Variants in PPP6R1 observed in about 807,000 individuals in gnomAD.
PPP6R1 encodes protein phosphatase 6 regulatory subunit 1, also known as serine/threonine-protein phosphatase 6 regulatory subunit 1.
PPP6R1 carries 39 observed loss-of-function variants against 104.6 expected under a neutral mutation model. The ratio of observed to expected loss-of-function variants is 0.37; its 90% CI spans 0.29 to 0.49. PPP6R1 has a LOEUF of 0.49. Ranked by LOEUF, PPP6R1 falls within the 20% of genes least tolerant of loss-of-function variation. PPP6R1 has a pLI of 0.98. For missense variants in PPP6R1, 1,181 were observed against 1,155.8 expected (o/e 1.02, Z -0.32); for synonymous variants, 549 against 479.0 (o/e 1.15, Z -1.91).
chr19:55,241,580 A>G lies in PPP6R1; in HGVS notation c.905T>C (p.Leu302Pro). 2 of 1,584,836 alleles carry G rather than the reference A, an allele frequency of 1.3e-6. No homozygotes were observed. Among genetic ancestry groups the G allele is most frequent in the East Asian group, 2.3e-5 (1 of 42,938 alleles). Reference sequence around the variant, plus strand: ...AGTGCTTTCCAGGGCCCCCTGGGCCAGGAGCTCCAGCTGCCCATCCACACT... The same window carrying G: ...AGTGCTTTCCAGGGCCCCCTGGGCCGGGAGCTCCAGCTGCCCATCCACACT... ...FSSVDGQLEL[L>P]AQGALESTVS... Residue 302 changes from leucine to proline, a missense_variant, in exon 8 of 24, where the codon CTG becomes CCG. Transcript: ENST00000412770. This position sits in a 1 kb window ranked among gnomAD's most constrained non-coding sequence, Gnocchi z 5.4.
At chr19:55,231,057 T>C in intron 21 of PPP6R1, 173 bp from the exon 22 acceptor site, 1 of 637,534 alleles carries the variant, frequency 1.6e-6, no homozygotes, top group Non-Finnish European at 2.7e-6. Context: ...AGCACAGCCC[T>C]GGACAGGAAG....
chr19:55,250,747 C>T (rs1401920258), intron 1 of PPP6R1, among the ~76,000 whole-genome samples: 2 of 152,136 alleles, frequency 1.3e-5, no homozygotes, highest in African/African-American at 4.8e-5. Context: ...TCAGGCCTCC[C>T]ACCCCGACCC....
chr19:55,242,707 A>G, intron 5 of PPP6R1: 1 of 546,900 alleles, frequency 1.8e-6, no homozygotes, highest in Non-Finnish European at 3.3e-6. Flanking sequence ...GACAGGAGGC[A>G]TCCACACAAG....
Position 55,230,145 on chromosome 19 carries a change from C to G in PPP6R1, c.*383G>C, listed in dbSNP as rs944950664. 39 of 212,200 alleles carry G rather than the reference C, an allele frequency of 1.8e-4. No individual in the cohort carries two copies. Among genetic ancestry groups the G allele is most frequent in the African/African-American group, 7.9e-4 (34 of 43,210 alleles). The allele number at this position is 212,200 out of a possible 1,614,324, so 13.1% of individuals were successfully genotyped here. On this transcript the variant is annotated 3_prime_UTR_variant, in exon 24 of 24. Coordinates refer to ENST00000412770, the MANE Select transcript of PPP6R1 (RefSeq NM_014931.4). The stretch of plus-strand genomic sequence containing the variant: ...GGGCACGTGGGTGGCAACCTTGGGA[C>G]CCCTAACACCAGCTCCCGCTGGGAC...
At chr19:55,253,786 AC>A (rs1185473764) in intron 1 of PPP6R1, among the ~76,000 whole-genome samples, 1 of 152,100 alleles carries the variant, frequency 6.6e-6, no homozygotes, top group African/African-American at 2.4e-5. Flanking sequence ...CCCTCTCCCA[AC>A]CTAATGAAGC....
At chr19:55,239,564 C>T in intron 14 of PPP6R1, 30 bp downstream of exon 14, 1 of 1,609,852 alleles carries the variant, frequency 6.2e-7, no homozygotes, top group South Asian at 1.1e-5. Flanking sequence ...CAGCATAGCC[C>T]AGCACAGCCC....
At chr19:55,247,165 G>T in intron 1 of PPP6R1, 56 bp from the exon 2 acceptor site, 1 of 1,550,872 alleles carries the variant, frequency 6.4e-7, no homozygotes, top group Non-Finnish European at 8.8e-7. Flanking sequence ...GTCCCCACTG[G>T]ACGAGGCACT....
intron 6 of PPP6R1, 32 bp downstream of exon 6, chr19:55,242,344 C>T: frequency 2.5e-6 from 4 of 1,610,730 alleles, no homozygotes; most frequent in Non-Finnish European, 3.4e-6. Context: ...CAAGTCAGCT[C>T]CCCCCAGCCT....
At chr19:55,255,822 G>A (rs956747015) in intron 1 of PPP6R1, 1 of 152,524 alleles carries the variant, frequency 6.6e-6, no homozygotes, top group African/African-American at 2.4e-5. Context: ...ACTTCCTCCA[G>A]GGAGCCTCCC....
In PPP6R1 at chr19:55,230,108, C is replaced by G. The variant is rs541563877; in HGVS notation, c.*420G>C. The G allele has an allele frequency of 5.1e-4, 96 of 187,028 alleles. No individual in the cohort carries two copies. The highest frequency in any genetic ancestry group is 2.1e-3 in the African/African-American group (89 of 42,324). The allele number at this position is 187,028 out of a possible 1,614,324, so 11.6% of individuals were successfully genotyped here. ...GTGGGCGTGGCCGTCTGCGCTGCAGCGTGGGACAGCTGGGCACGTGGGTGG... is the reference window on the plus strand; with the variant it reads ...GTGGGCGTGGCCGTCTGCGCTGCAGGGTGGGACAGCTGGGCACGTGGGTGG... On this transcript the variant is annotated 3_prime_UTR_variant, in exon 24 of 24. Transcript: ENST00000412770.
At chr19:55,237,025 C>G in intron 15 of PPP6R1, 55 bp from the exon 16 acceptor site, 2 of 1,502,374 alleles carry the variant, frequency 1.3e-6, no homozygotes, top group Non-Finnish European at 1.8e-6. Flanking sequence ...GGGGGCAGCA[C>G]AGGACAGGCC....
rs2087504731 is a variant in PPP6R1 at position 55,245,980 on chromosome 19, C to T, written c.228-302G>A. 6.6e-6 allele frequency among the ~76,000 whole-genome samples: 1 copy of T among 152,186 alleles called. No homozygotes were observed. The highest frequency in any genetic ancestry group is 1.5e-5 in the Non-Finnish European group (1 of 68,028). ...CAGCTAACACTCATCCCTTTTGCCT[C>T]TCAGCGGCTTCACTTGCAACCCCGT... is the stretch of plus-strand genomic sequence containing the variant. On this transcript the variant is annotated intron_variant, in intron 2 of 23. Coordinates refer to ENST00000412770, the MANE Select transcript of PPP6R1 (RefSeq NM_014931.4). This position sits in a 1 kb window ranked among gnomAD's most constrained non-coding sequence, Gnocchi z 6.4.
chr19:55,247,149 C>T (rs762174140), intron 1 of PPP6R1, 40 bp from the exon 2 acceptor site: 2 of 1,588,044 alleles, frequency 1.3e-6, no homozygotes, highest in East Asian at 4.5e-5. Context: ...TCAGACGCCC[C>T]AGGGAGTCCC....
In PPP6R1 at chr19:55,231,504, AGAG is replaced by A; in HGVS notation, c.2378-16_2378-14del. On this transcript the variant is annotated splice_polypyrimidine_tract_variant and intron_variant, in intron 20 of 23. Coordinates refer to ENST00000412770, the MANE Select transcript of PPP6R1 (RefSeq NM_014931.4). ...GCCTGGCAAGGGGCTGTGGGGGATA[AGAG>A]ATCTCAGCTGCAGCTCCCAGCAAGC... 6.2e-7 allele frequency: 1 copy of A among 1,603,480 alleles called. No individual in the cohort carries two copies. The highest frequency in any genetic ancestry group is 1.3e-5 in the African/African-American group (1 of 74,842).
rs370321819 is a variant in PPP6R1 at position 55,247,119 on chromosome 19, T to G, written c.-6-10A>C. ...TCCAAAACATGGCGCCCTGCAGGCA[T>G]AGACACAACCAGCGCCGCGTCAGAC... On this transcript the variant is annotated splice_polypyrimidine_tract_variant and intron_variant, in intron 1 of 23. Coordinates refer to ENST00000412770, the MANE Select transcript of PPP6R1 (RefSeq NM_014931.4). 1 of 1,610,406 alleles carries G rather than the reference T, an allele frequency of 6.2e-7. No individual in the cohort carries two copies. Among genetic ancestry groups the G allele is most frequent in the Non-Finnish European group, 8.5e-7 (1 of 1,178,730 alleles).
chr19:55,239,667 AGGT>A lies in PPP6R1; in HGVS notation c.1577_1579del (p.His526del), dbSNP rs1310253096. On this transcript the variant is annotated inframe_deletion, in exon 14 of 24. Transcript: ENST00000412770. ...GTCCTCATCGTCACTGGAGGAGTGTAGGTGGTGGGTGTTCACCTGGGGAGAGGA... is the reference window on the plus strand; with the variant it reads ...GTCCTCATCGTCACTGGAGGAGTGTAGGTGGGTGTTCACCTGGGGAGAGGA... 1 of 1,611,350 alleles carries A rather than the reference AGGT, an allele frequency of 6.2e-7. No homozygotes were observed. Among genetic ancestry groups the A allele is most frequent in the Non-Finnish European group, 8.5e-7 (1 of 1,178,808 alleles).
Position 55,242,155 on chromosome 19 carries a change from G to C in PPP6R1, c.845+11C>G. The stretch of plus-strand genomic sequence containing the variant: ...GGGCAGCATGCATGGTCTGTGGCCC[G>C]TATCCCTCACCTCGGCCTCCTGGGC... On this transcript the variant is annotated intron_variant, in intron 7 of 23. Coordinates refer to ENST00000412770, the MANE Select transcript of PPP6R1 (RefSeq NM_014931.4). 6.2e-7 allele frequency: 1 copy of C among 1,608,192 alleles called. No homozygotes were observed. Among genetic ancestry groups the C allele is most frequent in the Non-Finnish European group, 8.5e-7 (1 of 1,177,650 alleles).
intron 5 of PPP6R1, 76 bp from the exon 6 acceptor site, chr19:55,242,564 C>G: frequency 1.6e-6 from 2 of 1,273,590 alleles, no homozygotes; most frequent in Non-Finnish European, 2.3e-6. Context: ...GGAGCCCCTC[C>G]CATGAGCTGA....
rs2087554165 is a variant in PPP6R1, at chr19:55,251,635, C to T, written c.-6-4526G>A. ...ACCTCTGTGTGCACAGTGGTAACTC[C>T]CCACCTCCCCACTTCTGCCCAGATG... On this transcript the variant is annotated intron_variant, in intron 1 of 23. Coordinates refer to ENST00000412770, the MANE Select transcript of PPP6R1 (RefSeq NM_014931.4). Among the ~76,000 whole-genome samples the T allele has an allele frequency of 2.6e-5, 4 of 152,150 alleles. No homozygotes were observed. In the South Asian group the frequency reaches 8.3e-4, roughly 32 times the overall value.
Sources: allele counts gnomAD v4.1 joint callset (sites outside exome capture counted in the v4.1 genomes callset), GRCh38; gene constraint gnomAD v4.1.1; non-coding constraint Gnocchi (gnomAD v3.1); transcripts MANE v1.5; gene names NCBI Gene and HGNC (gene_info 2026-07-23, HGNC 2026-07-21).